The following ANKRD31 variants were observed in gnomAD, a reference collection of about 807,000 sequenced individuals.
The protein encoded by ANKRD31 is ankyrin repeat domain 31.
Under a neutral mutation model 186.0 loss-of-function variants are expected in ANKRD31, and 147 were observed. That is an observed-to-expected ratio of 0.79 (90% CI 0.69 to 0.91). The LOEUF is 0.91. Among genes scored for constraint, ANKRD31 ranks in the 40% least tolerant of loss-of-function variants. The pLI is 0.00. For synonymous variants in ANKRD31, 673 were observed against 736.4 expected (o/e 0.91, Z 1.39); for missense variants, 1,986 against 2,148.8 (o/e 0.92, Z 1.50).
intron 21 of ANKRD31, among the ~76,000 whole-genome samples, chr5:75,105,597 T>C (rs1747272145): frequency 6.6e-6 from 1 of 152,176 alleles, no homozygotes; most frequent in Non-Finnish European, 1.5e-5. Flanking sequence ...TAGCAATTGG[T>C]GGCTAAGGAG....
rs189750441 is a variant in ANKRD31, at chr5:75,208,423, C to T, written c.327-1936G>A. On this transcript the variant is annotated intron_variant, in intron 4 of 25. Coordinates refer to ENST00000506364, the MANE Select transcript of ANKRD31 (RefSeq NM_001372053.1). ...CTCCATCTGAGCTTTCCCCTCACCC[C>T]CCACCCCATTTCTCTGATCTTTTTT... 2.3e-3 allele frequency among the ~76,000 whole-genome samples: 345 copies of T among 152,150 alleles called. 1 individual carries two copies. The highest frequency in any genetic ancestry group is 0.01 in the Middle Eastern group (3 of 294).
chr5:75,124,705 T>G (rs75557310), intron 17 of ANKRD31, among the ~76,000 whole-genome samples: 2,365 of 152,144 alleles, frequency 0.016, 73 homozygotes, highest in African/African-American at 0.054. Context: ...TGTTGTTAAG[T>G]GAAAACAATT....
chr5:75,148,860 A>G (rs571191653), intron 12 of ANKRD31, among the ~76,000 whole-genome samples: 1 of 152,072 alleles, frequency 6.6e-6, no homozygotes, highest in South Asian at 2.1e-4. Context: ...CAGATCTAAC[A>G]GAATAACTAA....
chr5:75,102,113 G>A (rs1385344738), intron 22 of ANKRD31, among the ~76,000 whole-genome samples: 2 of 152,324 alleles, frequency 1.3e-5, no homozygotes, highest in East Asian at 3.9e-4. Flanking sequence ...GGGGTTTGGT[G>A]TGGATGTCCT....
At chr5:75,137,128 G>C (rs145345439) in intron 17 of ANKRD31, among the ~76,000 whole-genome samples, 1 of 151,966 alleles carries the variant, frequency 6.6e-6, no homozygotes, top group Non-Finnish European at 1.5e-5. Flanking sequence ...AAACATGCAC[G>C]TTGTGCACAT....
intron 20 of ANKRD31, among the ~76,000 whole-genome samples, chr5:75,110,194 TA>T (rs977800845): frequency 5.3e-5 from 8 of 152,050 alleles, no homozygotes; most frequent in African/African-American, 1.9e-4. Flanking sequence ...GGCATTCAAA[TA>T]AATAGAAAAA....
chr5:75,138,729 G>T (rs77973805), intron 16 of ANKRD31, 117 bp downstream of exon 16: 1 of 1,051,718 alleles, frequency 9.5e-7, no homozygotes, highest in Non-Finnish European at 1.3e-6. Context: ...AAAAAAGATT[G>T]TTCAAAGTTA....
At position 75,068,566 on chromosome 5, in the gene ANKRD31, C is replaced by A; in HGVS notation, c.5746G>T (p.Asp1916Tyr). The change falls in exon 26 of 26, where the codon GAT (aspartate) becomes TAT (tyrosine). Residue 1916 changes from aspartate to tyrosine, a missense_variant. By Grantham distance (160) the Asp-to-Tyr change is radical. Transcript: ENST00000506364. ...DQEFLPCHIM[D>Y]QHWKFCVECE... ...TCCACACAAAACTTCCAATGCTGAT[C>A]CATTATGTGGCATGGGAGAAATTCT... The A allele has an allele frequency of 1.3e-6, 2 of 1,525,868 alleles. No individual in the cohort carries two copies. The highest frequency in any genetic ancestry group is 5.0e-5 in the East Asian group (2 of 40,400). 94.5% of individuals were successfully genotyped at this position (1,525,868 alleles called of 1,614,324 possible). A position where few individuals can be genotyped will look rare whatever the true frequency, so the allele number is the denominator to read the frequency against.
At chr5:75,128,178 T>C (rs1036451091) in intron 17 of ANKRD31, among the ~76,000 whole-genome samples, 2 of 151,612 alleles carry the variant, frequency 1.3e-5, no homozygotes, top group African/African-American at 4.9e-5. Context: ...GAGCACTGCA[T>C]GTTCTCACTC....
intron 22 of ANKRD31, among the ~76,000 whole-genome samples, chr5:75,098,233 C>T (rs1455809431): frequency 6.6e-6 from 1 of 152,086 alleles, no homozygotes; most frequent in Non-Finnish European, 1.5e-5. Context: ...GACCTCCACC[C>T]ATCTCGGCCT....
intron 12 of ANKRD31, among the ~76,000 whole-genome samples, chr5:75,151,320 G>T (rs1042527689): frequency 6.6e-6 from 1 of 151,926 alleles, no homozygotes; most frequent in Non-Finnish European, 1.5e-5. Flanking sequence ...GATATGGTTT[G>T]GCTGTGTCCC....
intron 25 of ANKRD31, among the ~76,000 whole-genome samples, chr5:75,072,850 T>A (rs1229960876): frequency 6.6e-6 from 1 of 152,192 alleles, no homozygotes; most frequent in East Asian, 1.9e-4. Context: ...TGAGGGCAGA[T>A]GAATAGATGG....
intron 17 of ANKRD31, among the ~76,000 whole-genome samples, chr5:75,125,328 G>T (rs951875684): frequency 2.8e-4 from 42 of 152,124 alleles, no homozygotes; most frequent in African/African-American, 9.2e-4. Flanking sequence ...ATTTTATGAA[G>T]ATTTTATTTA....
Position 75,193,409 on chromosome 5 carries a change from C to G in ANKRD31, c.1200G>C (p.Lys400Asn). ...LEKLKVSRDA[K>N]YSDHMYKMPE... ...GCATCTTATACATGTGATCTGAGTA[C>G]TTTGCATCTCTGCTTACTTTCAGTT... is the stretch of plus-strand genomic sequence containing the variant. The change falls in exon 8 of 26, where the codon AAG (lysine) becomes AAC (asparagine). Residue 400 changes from lysine to asparagine, a missense_variant. Lys to Asn is a moderately conservative substitution (Grantham distance 94). Coordinates refer to ENST00000506364, the MANE Select transcript of ANKRD31 (RefSeq NM_001372053.1). The G allele has an allele frequency of 6.5e-7, 1 of 1,537,184 alleles. No individual in the cohort carries two copies. Among genetic ancestry groups the G allele is most frequent in the Non-Finnish European group, 8.7e-7 (1 of 1,146,760 alleles).
At chr5:75,072,534 G>A (rs767920249) in intron 25 of ANKRD31, among the ~76,000 whole-genome samples, 19 of 152,152 alleles carry the variant, frequency 1.2e-4, no homozygotes, top group Non-Finnish European at 1.8e-4. Context: ...GGAATGCTAC[G>A]GATCCAGACT....
intron 11 of ANKRD31, among the ~76,000 whole-genome samples, chr5:75,157,872 T>C (rs1385524637): frequency 6.6e-6 from 1 of 151,812 alleles, no homozygotes; most frequent in Non-Finnish European, 1.5e-5. Context: ...AGTAAATAGG[T>C]TAATGAAACT....
At chr5:75,112,756 G>C (rs1747890913) in intron 19 of ANKRD31, among the ~76,000 whole-genome samples, 156 bp from the exon 20 acceptor site, 1 of 152,142 alleles carries the variant, frequency 6.6e-6, no homozygotes, top group South Asian at 2.1e-4. Flanking sequence ...CGTTGTATAA[G>C]CTTAACTGTA....
chr5:75,223,050 A>T (rs7730287), intron 2 of ANKRD31, among the ~76,000 whole-genome samples: 8,625 of 152,292 alleles, frequency 0.057, 352 homozygotes, highest in South Asian at 0.2. Flanking sequence ...ACTAATTTAC[A>T]TTCGCACCAA....
At chr5:75,079,056 T>C (rs1744879618) in intron 25 of ANKRD31, among the ~76,000 whole-genome samples, 1 of 152,238 alleles carries the variant, frequency 6.6e-6, no homozygotes, top group Admixed American at 6.5e-5. Flanking sequence ...AAAGAACACA[T>C]ACCTTCAAAT....
Sources: gnomAD v4.1 joint callset for allele counts (sites outside exome capture counted in the v4.1 genomes callset) on GRCh38, gnomAD v4.1.1 for gene constraint, MANE v1.5 for transcripts, NCBI Gene and HGNC (gene_info 2026-07-23, HGNC 2026-07-21) for gene names.